Variants in CTNND1 observed in about 807,000 individuals in gnomAD.
CTNND1 encodes the protein catenin delta 1.
Under a neutral mutation model 112.1 loss-of-function variants are expected in CTNND1, and 16 were observed. The ratio of observed to expected loss-of-function variants is 0.14; its 90% confidence interval spans 0.10 to 0.22. The LOEUF is 0.22. Among genes scored for constraint, CTNND1 ranks in the 10% least tolerant of loss-of-function variants. The pLI, the probability that CTNND1 is intolerant of heterozygous loss-of-function variation, is 1.00. For missense variants in CTNND1, 1,008 were observed against 1,257.0 expected (o/e 0.80, Z 3.00); for synonymous variants, 420 against 446.5 (o/e 0.94, Z 0.75).
At chr11:57,779,768 C>T (rs187055859) in intron 1 of CTNND1, among the ~76,000 whole-genome samples, 1 of 152,186 alleles carries the variant, frequency 6.6e-6, no homozygotes, top group Admixed American at 6.6e-5. Context: ...GACATGTAGC[C>T]AGCTTTCTAG....
chr11:57,771,480 G>T (rs1184743996), intron 1 of CTNND1, among the ~76,000 whole-genome samples: 1 of 152,114 alleles, frequency 6.6e-6, no homozygotes, highest in Non-Finnish European at 1.5e-5. Flanking sequence ...GAGACCAAGA[G>T]AAATGGAGGA....
intron 1 of CTNND1, among the ~76,000 whole-genome samples, chr11:57,780,811 A>T (rs1360674407): frequency 6.6e-6 from 1 of 152,218 alleles, no homozygotes; most frequent in Admixed American, 6.5e-5. Flanking sequence ...CAGGGTTTTG[A>T]GGAATTGGGA....
Position 57,816,471 on chromosome 11 carries a change from A to C in CTNND1, c.*163A>C. 1 of 761,458 alleles carries C rather than the reference A, an allele frequency of 1.3e-6. No individual in the cohort carries two copies. The highest frequency in any genetic ancestry group is 2.7e-5 in the East Asian group (1 of 37,686). 47.2% of individuals were successfully genotyped at this position (761,458 alleles called of 1,614,324 possible). ...GCTGCCTTCTTTCCATCAACTCCCA[A>C]CTTCTTCCTGTGAAGTTTAATTGTC... On this transcript the variant is annotated 3_prime_UTR_variant, in exon 21 of 21. Transcript: ENST00000399050.
intron 20 of CTNND1, 80 bp downstream of exon 20, chr11:57,816,081 C>A: frequency 2.3e-6 from 3 of 1,289,956 alleles, no homozygotes; most frequent in Non-Finnish European, 3.2e-6. Flanking sequence ...TCACGCTAAT[C>A]TGATCAGGCC....
chr11:57,818,611 T>C lies in CTNND1; in HGVS notation c.*2303T>C, dbSNP rs1014631754. ...CCCAACTCTTTATCAAGCAACATTC[T>C]TGTTAACTATATGTGAAACATTTTT... On this transcript the variant is annotated 3_prime_UTR_variant, in exon 21 of 21. Coordinates refer to ENST00000399050, the MANE Select transcript of CTNND1 (RefSeq NM_001085458.2). The C allele has an allele frequency of 6.6e-6, 1 of 152,396 alleles. No homozygotes were observed. Among genetic ancestry groups the C allele is most frequent in the African/African-American group, 2.4e-5 (1 of 41,466 alleles). 9.4% of individuals were successfully genotyped at this position (152,396 alleles called of 1,614,324 possible).
chr11:57,763,786 G>T (rs1008345767), intron 1 of CTNND1: 2 of 152,182 alleles, frequency 1.3e-5, no homozygotes, highest in Middle Eastern at 3.1e-3. Flanking sequence ...TCAACCTTTA[G>T]GGGGAGGGAT....
intron 1 of CTNND1, among the ~76,000 whole-genome samples, chr11:57,777,284 G>A (rs1332543740): frequency 6.6e-6 from 1 of 151,992 alleles, no homozygotes; most frequent in African/African-American, 2.4e-5. Context: ...TCCAGATAAG[G>A]ACTAAATCCT....
intron 1 of CTNND1, among the ~76,000 whole-genome samples, chr11:57,777,102 T>C (rs1490570666): frequency 6.6e-6 from 1 of 152,210 alleles, no homozygotes; most frequent in East Asian, 1.9e-4. Context: ...TCTGATACCA[T>C]GCCAAGTAAG....
Position 57,791,400 on chromosome 11 carries a change from T to TC in CTNND1, c.-78dup. ...TTCCCGGTAGTGTGAAGTGAGGGGG[T>TC]CTCTCTCCCTCCTTCTCCTTCCTCT... is the stretch of plus-strand genomic sequence containing the variant. On this transcript the variant is annotated 5_prime_UTR_variant, in exon 3 of 21. Transcript: ENST00000399050. 7.3e-7 allele frequency: 1 copy of TC among 1,363,064 alleles called. No individual in the cohort carries two copies. The highest frequency in any genetic ancestry group is 1.5e-5 in the African/African-American group (1 of 66,052). 84.4% of individuals were successfully genotyped at this position (1,363,064 alleles called of 1,614,324 possible).
At chr11:57,791,797 A>AT (rs1313020606) in intron 3 of CTNND1, 124 bp downstream of exon 3, 10 of 1,095,660 alleles carry the variant, frequency 9.1e-6, no homozygotes, top group African/African-American at 3.3e-5. Flanking sequence ...TCTTCCAGGG[A>AT]TTTTTTTCCA....
In CTNND1 at chr11:57,815,391, C is replaced by T. The variant is rs1264011707; in HGVS notation, c.2702-3C>T. ...TTCTGTGTACTTTTTTTTTTTTAAC[C>T]AGATAACAACTATTCCACACCAAAT... On this transcript the variant is annotated splice_polypyrimidine_tract_variant and splice_region_variant and intron_variant, in intron 18 of 20. Coordinates refer to ENST00000399050, the MANE Select transcript of CTNND1 (RefSeq NM_001085458.2). 1 of 1,547,220 alleles carries T rather than the reference C, an allele frequency of 6.5e-7. No homozygotes were observed. The highest frequency in any genetic ancestry group is 1.4e-5 in the African/African-American group (1 of 71,304).
intron 2 of CTNND1, among the ~76,000 whole-genome samples, chr11:57,790,473 A>C (rs1344426525): frequency 1.0e-5 from 1 of 99,004 alleles, no homozygotes. Context: ...AACCTCCGCT[A>C]TTCTCCTGCC....
intron 1 of CTNND1, among the ~76,000 whole-genome samples, chr11:57,763,078 A>C (rs986780097): frequency 3.9e-5 from 6 of 152,146 alleles, no homozygotes; most frequent in Non-Finnish European, 8.8e-5. Context: ...TTTGGAGTTG[A>C]ATTTATTGTT....
chr11:57,794,883 CAAA>C (rs111312101), intron 4 of CTNND1, among the ~76,000 whole-genome samples: 2 of 84,702 alleles, frequency 2.4e-5, no homozygotes, highest in African/African-American at 4.8e-5. Flanking sequence ...AACTCCGTCT[CAAA>C]AAAAAAAAAA....
chr11:57,771,581 G>A (rs1952634824), intron 1 of CTNND1, among the ~76,000 whole-genome samples: 3 of 151,834 alleles, frequency 2.0e-5, no homozygotes, highest in Admixed American at 1.3e-4. Flanking sequence ...GAGGGAAGGA[G>A]AAGTAAGAGA....
intron 1 of CTNND1, among the ~76,000 whole-genome samples, chr11:57,773,520 C>T (rs568946132): frequency 1.3e-4 from 19 of 151,114 alleles, no homozygotes; most frequent in Middle Eastern, 3.4e-3. Context: ...GGCACGACCT[C>T]GGCTCACTGC....
In CTNND1 at chr11:57,801,803, G is replaced by A; in HGVS notation, c.1027G>A (p.Glu343Lys). Residue 343 changes from glutamate to lysine, a missense_variant, in exon 7 of 21, where the codon GAG (glutamate) becomes AAG (lysine). By Grantham distance (56) the Glu-to-Lys change is moderately conservative. Coordinates refer to ENST00000399050, the MANE Select transcript of CTNND1 (RefSeq NM_001085458.2). ...QYYWAPLAQHERGSLASLDSL... is the reference protein window; with the variant it reads ...QYYWAPLAQHKRGSLASLDSL... ...CTACTGGGCTCCTTTGGCCCAGCATGAGCGAGGAAGTTTAGCAAGCTTGGA... is the reference window on the plus strand; with the variant it reads ...CTACTGGGCTCCTTTGGCCCAGCATAAGCGAGGAAGTTTAGCAAGCTTGGA... The A allele has an allele frequency of 6.2e-7, 1 of 1,614,008 alleles. No individual in the cohort carries two copies. The highest frequency in any genetic ancestry group is 1.1e-5 in the South Asian group (1 of 91,074).
intron 2 of CTNND1, among the ~76,000 whole-genome samples, chr11:57,790,839 T>A (rs2060658514): frequency 6.6e-6 from 1 of 152,058 alleles, no homozygotes; most frequent in East Asian, 1.9e-4. Flanking sequence ...ATTACAGGTG[T>A]AAGCCACAGT....
chr11:57,804,475 G>T (rs1034258223), intron 8 of CTNND1, among the ~76,000 whole-genome samples, 188 bp from the exon 9 acceptor site: 6 of 152,094 alleles, frequency 3.9e-5, no homozygotes, highest in African/African-American at 1.4e-4. Context: ...CTACCCCACA[G>T]TGATATAAAC....
Sources: gnomAD v4.1 joint callset for allele counts (sites outside exome capture counted in the v4.1 genomes callset) on GRCh38, gnomAD v4.1.1 for gene constraint, MANE v1.5 for transcripts, NCBI Gene and HGNC (gene_info 2026-07-23, HGNC 2026-07-21) for gene names.